Variants in ERBB4 observed in about 807,000 individuals in gnomAD.
ERBB4 encodes the protein receptor tyrosine-protein kinase erbB-4.
In ERBB4, 42 loss-of-function variants were observed where a neutral mutation model predicts 158.0. The ratio of observed to expected loss-of-function variants is 0.27; its 90% CI spans 0.21 to 0.34. ERBB4 has a LOEUF of 0.34. Ranked by LOEUF, ERBB4 falls within the 10% of genes least tolerant of loss-of-function variation. The probability of loss-of-function intolerance (pLI) is 1.00; values close to 1 mark genes in which losing one functional copy is unlikely to be tolerated. For synonymous variants in ERBB4, 583 were observed against 558.7 expected (o/e 1.04, Z -0.61); for missense variants, 1,333 against 1,624.1 (o/e 0.82, Z 3.08).
chr2:212,292,077 GC>G (rs201329621), intron 1 of ERBB4, among the ~76,000 whole-genome samples: 2,040 of 151,724 alleles, frequency 0.013, 48 homozygotes, highest in African/African-American at 0.046. Context: ...AGCTAGTTTT[GC>G]TTTTTTTAAA....
intron 16 of ERBB4, among the ~76,000 whole-genome samples, chr2:211,651,344 G>A: frequency 6.6e-6 from 1 of 151,980 alleles, no homozygotes; most frequent in Non-Finnish European, 1.5e-5. Context: ...TTTCCTTCAG[G>A]ACAAGAAAAA....
chr2:212,514,281 A>T (rs760481873), intron 1 of ERBB4, among the ~76,000 whole-genome samples: 3 of 152,230 alleles, frequency 2.0e-5, no homozygotes, highest in Non-Finnish European at 4.4e-5. Flanking sequence ...CACATGGTAA[A>T]AGTATTTTTC....
intron 7 of ERBB4, among the ~76,000 whole-genome samples, chr2:211,714,484 C>T (rs1322839887): frequency 6.6e-6 from 1 of 152,112 alleles, no homozygotes; most frequent in African/African-American, 2.4e-5. Context: ...GGCTGTGATG[C>T]AAGCAATATT....
At chr2:212,243,239 C>T (rs542945460) in intron 1 of ERBB4, among the ~76,000 whole-genome samples, 28 of 152,188 alleles carry the variant, frequency 1.8e-4, no homozygotes, top group Admixed American at 7.2e-4. Flanking sequence ...TGGGAAGCCA[C>T]GCATCTGGCA....
chr2:211,866,570 TG>T (rs1396087197), intron 3 of ERBB4, among the ~76,000 whole-genome samples: 1 of 152,174 alleles, frequency 6.6e-6, no homozygotes. Context: ...ACTCAGAATC[TG>T]AAACACATAG....
At chr2:212,465,203 G>A (rs546274217) in intron 1 of ERBB4, among the ~76,000 whole-genome samples, 3 of 152,194 alleles carry the variant, frequency 2.0e-5, no homozygotes, top group Non-Finnish European at 4.4e-5. Context: ...AAGGAGGGTT[G>A]AACAAAATGA....
Position 211,623,905 on chromosome 2 carries a change from C to T in ERBB4, c.2202+17G>A, listed in dbSNP as rs762068170. 3.1e-6 allele frequency: 5 copies of T among 1,613,102 alleles called. No homozygotes were observed. The highest frequency in any genetic ancestry group is 2.2e-5 in the East Asian group (1 of 44,856). ...AAAACAAAACTTAACTAACGATATG[C>T]GTTGTTTTTTACTTACTTTATAAAC... is the stretch of plus-strand genomic sequence containing the variant. On this transcript the variant is annotated intron_variant, in intron 18 of 27. Transcript: ENST00000342788.
chr2:212,232,239 G>T (rs971361137), intron 1 of ERBB4, among the ~76,000 whole-genome samples: 1 of 152,070 alleles, frequency 6.6e-6, no homozygotes, highest in Non-Finnish European at 1.5e-5. Flanking sequence ...CTACATAAGT[G>T]TTTCATAATG....
At chr2:211,564,328 A>G (rs191032498) in intron 19 of ERBB4, among the ~76,000 whole-genome samples, 180 of 152,226 alleles carry the variant, frequency 1.2e-3, no homozygotes, top group African/African-American at 4.1e-3. Context: ...TTCAGAGTAC[A>G]TTTAGGAAAC....
intron 1 of ERBB4, among the ~76,000 whole-genome samples, chr2:212,352,257 A>G (rs1245063531): frequency 2.6e-5 from 4 of 152,044 alleles, no homozygotes; most frequent in Non-Finnish European, 5.9e-5. Flanking sequence ...CTGTACATCA[A>G]CATCCCAGGA....
At chr2:211,796,910 T>C (rs1340340369) in intron 3 of ERBB4, among the ~76,000 whole-genome samples, 2 of 151,930 alleles carry the variant, frequency 1.3e-5, no homozygotes, top group African/African-American at 2.4e-5. Context: ...TGGTTCAATG[T>C]TTTGAAAATG....
At chr2:212,057,214 C>A (rs2077606471) in intron 2 of ERBB4, among the ~76,000 whole-genome samples, 1 of 152,182 alleles carries the variant, frequency 6.6e-6, no homozygotes, top group Non-Finnish European at 1.5e-5. Flanking sequence ...GGGATCAATT[C>A]AACAAGAAGA....
At chr2:211,615,460 T>C (rs1272240542) in intron 19 of ERBB4, among the ~76,000 whole-genome samples, 1 of 152,104 alleles carries the variant, frequency 6.6e-6, no homozygotes, top group Non-Finnish European at 1.5e-5. Context: ...TTTAGAGTCA[T>C]TTTCTTAATG....
chr2:212,050,136 C>T (rs771511032), intron 2 of ERBB4, among the ~76,000 whole-genome samples: 32 of 152,060 alleles, frequency 2.1e-4, no homozygotes, highest in Non-Finnish European at 4.1e-4. Flanking sequence ...AATGCATCCT[C>T]ATAGTTTCAT....
intron 25 of ERBB4, among the ~76,000 whole-genome samples, chr2:211,400,538 T>C (rs1234558126): frequency 6.6e-6 from 1 of 152,086 alleles, no homozygotes; most frequent in Non-Finnish European, 1.5e-5. Flanking sequence ...AGACAAACTT[T>C]GCATGTTCTC....
intron 20 of ERBB4, among the ~76,000 whole-genome samples, chr2:211,561,569 C>T (rs2067392476): frequency 6.6e-6 from 1 of 152,166 alleles, no homozygotes; most frequent in Non-Finnish European, 1.5e-5. Context: ...TCAACCCTTT[C>T]TTTCTTGGAT....
At chr2:212,086,937 C>T (rs1371403197) in intron 2 of ERBB4, among the ~76,000 whole-genome samples, 1 of 151,992 alleles carries the variant, frequency 6.6e-6, no homozygotes, top group East Asian at 1.9e-4. Context: ...TACTGGGAGG[C>T]TTCCAACAGT....
At position 211,387,027 on chromosome 2, in the gene ERBB4, C is replaced by A. The variant is rs1237135640; in HGVS notation, c.3307G>T (p.Asp1103Tyr). The change falls in exon 27 of 28, where the codon GAT becomes TAT. Residue 1103 changes from aspartate (D) to tyrosine (Y), a missense_variant. By Grantham distance (160) the Asp-to-Tyr change is radical. Transcript: ENST00000342788. ...VAQGATAEIFDDSCCNGTLRK... is the reference protein window; with the variant it reads ...VAQGATAEIFYDSCCNGTLRK... ...AGGGTGCCATTACAGCAGGAGTCAT[C>A]AAAAATCTCAGCAGTAGCACCCTGT... 24 of 1,613,918 alleles carry A rather than the reference C, an allele frequency of 1.5e-5. No individual in the cohort carries two copies. Among genetic ancestry groups the A allele is most frequent in the East Asian group, 4.5e-5 (2 of 44,874 alleles).
intron 1 of ERBB4, among the ~76,000 whole-genome samples, chr2:212,460,865 T>G (rs1462194144): frequency 6.6e-6 from 1 of 151,922 alleles, no homozygotes; most frequent in Non-Finnish European, 1.5e-5. Flanking sequence ...ATGTCAGAGG[T>G]CTTCATGGCA....
Sources: allele counts gnomAD v4.1 joint callset (sites outside exome capture counted in the v4.1 genomes callset), GRCh38; gene constraint gnomAD v4.1.1; transcripts MANE v1.5; gene names NCBI Gene and HGNC (gene_info 2026-07-23, HGNC 2026-07-21).